CLNK: variants seen among roughly 807,000 people sequenced by gnomAD.
The protein encoded by CLNK is cytokine-dependent hematopoietic cell linker.
A neutral mutation model predicts 68.6 loss-of-function variants in CLNK; 74 were observed. That is an observed-to-expected ratio of 1.08 (90% confidence interval 0.89 to 1.31). The LOEUF (loss-of-function observed/expected upper bound fraction) is 1.31, where lower values mean the gene tolerates loss of function less well. Among genes scored for constraint, CLNK ranks in the 50% most tolerant of loss-of-function variants. The pLI, the probability that CLNK is intolerant of heterozygous loss-of-function variation, is 0.00. For missense variants in CLNK, 553 were observed against 515.3 expected (o/e 1.07, Z -0.71); for synonymous variants, 198 against 172.2 (o/e 1.15, Z -1.17).
At chr4:10,724,514 G>C in the CLNK span, among the ~76,000 whole-genome samples, 2 of 149,510 alleles carry the variant, frequency 1.3e-5, no homozygotes, top group Non-Finnish European at 1.5e-5. Context: ...TATAATGTAA[G>C]TCCAGTGAGG....
At chr4:10,642,521 G>A (rs1250665398) in intron 2 of CLNK, among the ~76,000 whole-genome samples, 2 of 152,168 alleles carry the variant, frequency 1.3e-5, no homozygotes, top group African/African-American at 4.8e-5. Context: ...GAAGCAGGGA[G>A]GAAAGAATGA....
intron 8 of CLNK, among the ~76,000 whole-genome samples, chr4:10,551,765 T>C (rs1324063656): frequency 1.3e-5 from 2 of 152,096 alleles, no homozygotes; most frequent in Non-Finnish European, 2.9e-5. Flanking sequence ...TAAATATTAT[T>C]GGTTGAATTA....
intron 1 of CLNK, among the ~76,000 whole-genome samples, chr4:10,675,242 T>A (rs1202097290): frequency 6.6e-6 from 1 of 152,186 alleles, no homozygotes; most frequent in African/African-American, 2.4e-5. Flanking sequence ...GATGAAAGTA[T>A]CTATAAGATT....
Position 10,489,697 on chromosome 4 carries a change from C to T in CLNK, c.*770G>A, listed in dbSNP as rs1716484142. On this transcript the variant is annotated 3_prime_UTR_variant, in exon 19 of 19. Coordinates refer to ENST00000226951, the MANE Select transcript of CLNK (RefSeq NM_052964.4). ...TTTTTTTTTTTGAGACGGAGTCTCT[C>T]TGTCCCCAGGCTGGATTGGAGTGCA... 4.7e-5 allele frequency: 1 copy of T among 21,208 alleles called. No individual in the cohort carries two copies. The highest frequency in any genetic ancestry group is 1.9e-3 in the South Asian group (1 of 532). 1.3% of individuals were successfully genotyped at this position (21,208 alleles called of 1,614,324 possible).
At chr4:10,635,049 G>C (rs1036575122) in intron 2 of CLNK, among the ~76,000 whole-genome samples, 1 of 152,124 alleles carries the variant, frequency 6.6e-6, no homozygotes, top group Non-Finnish European at 1.5e-5. Context: ...ATCTTATGAA[G>C]CATCTTCTAA....
intron 11 of CLNK, 145 bp from the exon 12 acceptor site, chr4:10,532,428 A>G: frequency 1.5e-6 from 1 of 656,600 alleles, no homozygotes; most frequent in Admixed American, 2.8e-5. Context: ...TCACTCTTCC[A>G]TAAAACTAAA....
intron 8 of CLNK, among the ~76,000 whole-genome samples, chr4:10,543,780 A>G (rs1391998363): frequency 1.3e-5 from 2 of 152,236 alleles, no homozygotes; most frequent in Non-Finnish European, 2.9e-5. Context: ...TCATTTTTGA[A>G]AAACACTTTT....
At chr4:10,642,618 A>G (rs76244577) in intron 2 of CLNK, among the ~76,000 whole-genome samples, 247 of 152,270 alleles carry the variant, frequency 1.6e-3, no homozygotes, top group African/African-American at 5.8e-3. Context: ...GCATGTGGGT[A>G]AGTCATGAAA....
chr4:10,563,061 C>T (rs1454836292), intron 7 of CLNK, among the ~76,000 whole-genome samples: 1 of 152,200 alleles, frequency 6.6e-6, no homozygotes, highest in Non-Finnish European at 1.5e-5. Context: ...TTTTTCATCA[C>T]TCGTCTTGCT....
intron 18 of CLNK, among the ~76,000 whole-genome samples, chr4:10,500,365 A>G (rs895244576): frequency 9.2e-5 from 14 of 152,170 alleles, no homozygotes; most frequent in Admixed American, 3.3e-4. Flanking sequence ...TCATGACACC[A>G]AAGAGTTGTT....
intron 2 of CLNK, among the ~76,000 whole-genome samples, chr4:10,642,713 A>C (rs7671974): frequency 0.33 from 50,509 of 151,974 alleles, 9,680 homozygotes; most frequent in African/African-American, 0.53. Context: ...AACCTAACTC[A>C]CTGGGTGCAC....
At chr4:10,590,586 T>C (rs192503929) in intron 3 of CLNK, among the ~76,000 whole-genome samples, 4 of 152,286 alleles carry the variant, frequency 2.6e-5, no homozygotes, top group Admixed American at 2.0e-4. Context: ...CAGCCTTCTC[T>C]CTCTCTCAAA....
chr4:10,562,762 A>T (rs1719949909), intron 7 of CLNK, among the ~76,000 whole-genome samples: 4 of 151,960 alleles, frequency 2.6e-5, no homozygotes, highest in Admixed American at 6.6e-5. Flanking sequence ...TCTACTGAGA[A>T]TTTTTTTCCT....
At chr4:10,588,147 G>T (rs551125377) in intron 3 of CLNK, among the ~76,000 whole-genome samples, 1 of 152,178 alleles carries the variant, frequency 6.6e-6, no homozygotes, top group African/African-American at 2.4e-5. Flanking sequence ...TAATGTAAGC[G>T]TGGCAAGCCA....
chr4:10,585,523 A>C (rs1367105909), intron 3 of CLNK, among the ~76,000 whole-genome samples: 2 of 152,284 alleles, frequency 1.3e-5, no homozygotes, highest in African/African-American at 4.8e-5. Context: ...TCTGTCCATA[A>C]ACCTTCTTTC....
chr4:10,680,636 T>C (rs1725062234), intron 1 of CLNK, among the ~76,000 whole-genome samples: 1 of 152,200 alleles, frequency 6.6e-6, no homozygotes, highest in Admixed American at 6.5e-5. Context: ...CCACTACCAT[T>C]TACTTTGTAT....
At chr4:10,636,791 G>C (rs1723110864) in intron 2 of CLNK, among the ~76,000 whole-genome samples, 1 of 152,220 alleles carries the variant, frequency 6.6e-6, no homozygotes, top group Admixed American at 6.5e-5. Flanking sequence ...GCCTTCTAAA[G>C]GTGCTGTGTG....
chr4:10,703,682 G>C, the CLNK span, among the ~76,000 whole-genome samples: 1 of 152,200 alleles, frequency 6.6e-6, no homozygotes. Flanking sequence ...TACAAACCTA[G>C]TTGGTATAGC....
chr4:10,542,314 G>C, intron 8 of CLNK, 34 bp from the exon 9 acceptor site: 1 of 1,437,056 alleles, frequency 7.0e-7, no homozygotes, highest in South Asian at 1.3e-5. Context: ...GTGAATTTAT[G>C]GAAAATGTCA....
Sources: gnomAD v4.1 joint callset for allele counts (sites outside exome capture counted in the v4.1 genomes callset) on GRCh38, gnomAD v4.1.1 for gene constraint, MANE v1.5 for transcripts, NCBI Gene and HGNC (gene_info 2026-07-23, HGNC 2026-07-21) for gene names.